SMOC1: variants seen among roughly 807,000 people sequenced by gnomAD.
SMOC1 encodes SPARC-related modular calcium-binding protein 1.
A neutral mutation model predicts 56.3 loss-of-function variants in SMOC1; 22 were observed. The observed-to-expected ratio is 0.39, with a 90% CI of 0.28 to 0.56. The LOEUF is 0.56. SMOC1 is among the 20% of genes least tolerant of loss of function. The probability of loss-of-function intolerance (pLI) is 0.61; values close to 1 mark genes in which losing one functional copy is unlikely to be tolerated. For synonymous variants in SMOC1, 193 were observed against 215.0 expected (o/e 0.90, Z 0.89); for missense variants, 509 against 565.4 (o/e 0.90, Z 1.01).
intron 9 of SMOC1, 138 bp from the exon 10 acceptor site, chr14:70,013,248 G>A: frequency 1.3e-6 from 1 of 761,442 alleles, no homozygotes; most frequent in Non-Finnish European, 2.3e-6. Context: ...AGACTCATCT[G>A]ATCAGTAAAC....
At chr14:70,013,348 A>G (rs1226774472) in intron 9 of SMOC1, 38 bp from the exon 10 acceptor site, 1 of 1,556,776 alleles carries the variant, frequency 6.4e-7, no homozygotes. Flanking sequence ...CTTGATTATT[A>G]TCTGGCATCT....
Position 70,030,482 on chromosome 14 carries a change from C to T in SMOC1, c.*224C>T. 12 of 244,990 alleles carry T rather than the reference C, an allele frequency of 4.9e-5. No individual in the cohort carries two copies. Among genetic ancestry groups the T allele is most frequent in the Admixed American group, 2.3e-4 (3 of 12,986 alleles). The allele number at this position is 244,990 out of a possible 1,614,324, so 15.2% of individuals were successfully genotyped here. A position where few individuals can be genotyped will look rare whatever the true frequency, so the allele number is the denominator to read the frequency against. ...GTGGGAAAAGGAAAGGGAAGAAAGA[C>T]TTTATTCTCTCTCTTATTGTAAGTT... On this transcript the variant is annotated 3_prime_UTR_variant, in exon 12 of 12. Coordinates refer to ENST00000361956, the MANE Select transcript of SMOC1 (RefSeq NM_001034852.3).
chr14:69,965,432 A>G (rs1418562456), intron 3 of SMOC1, among the ~76,000 whole-genome samples: 1 of 151,972 alleles, frequency 6.6e-6, no homozygotes, highest in Non-Finnish European at 1.5e-5. Flanking sequence ...GATACCTGAG[A>G]GCCAGATCCA....
intron 4 of SMOC1, 80 bp downstream of exon 4, chr14:69,975,894 C>A: frequency 1.0e-6 from 1 of 989,398 alleles, no homozygotes; most frequent in Non-Finnish European, 1.6e-6. Context: ...TGTGGGAGAA[C>A]CTTTAGAAGG....
intron 1 of SMOC1, 100 bp downstream of exon 1, chr14:69,879,877 G>T: frequency 9.0e-7 from 1 of 1,114,518 alleles, no homozygotes. Context: ...AGATGTCAGA[G>T]ACCTGTTGTC....
intron 11 of SMOC1, among the ~76,000 whole-genome samples, chr14:70,026,686 AG>A (rs1885938293): frequency 6.6e-6 from 1 of 152,154 alleles, no homozygotes; most frequent in South Asian, 2.1e-4. Flanking sequence ...CCTCAAAGGT[AG>A]GACTATGGAA....
chr14:69,989,396 G>A (rs1347783630), intron 5 of SMOC1, among the ~76,000 whole-genome samples: 1 of 152,148 alleles, frequency 6.6e-6, no homozygotes, highest in African/African-American at 2.4e-5. Context: ...TTGTTATTGA[G>A]TTGTAAGGTT....
At chr14:69,985,288 G>A (rs559261840) in intron 5 of SMOC1, among the ~76,000 whole-genome samples, 3 of 152,190 alleles carry the variant, frequency 2.0e-5, no homozygotes, top group East Asian at 1.9e-4. Context: ...CTCATACATC[G>A]CTGGCAAGAA....
chr14:70,025,562 G>T lies in SMOC1; in HGVS notation c.1291+2115G>T, dbSNP rs1052985568. On this transcript the variant is annotated intron_variant, in intron 11 of 11. Coordinates refer to ENST00000361956, the MANE Select transcript of SMOC1 (RefSeq NM_001034852.3). ...TGGTTCAAACCCTGCCTCTGTCCCG[G>T]CCTCGCTCTTTCACTACATGCGGCT... 8.5e-5 allele frequency among the ~76,000 whole-genome samples: 13 copies of T among 152,126 alleles called. 1 individual carries two copies. The highest frequency in any genetic ancestry group is 4.4e-5 in the Non-Finnish European group (3 of 68,030).
At chr14:69,924,612 G>A (rs537918211) in intron 1 of SMOC1, among the ~76,000 whole-genome samples, 1 of 151,322 alleles carries the variant, frequency 6.6e-6, no homozygotes, top group South Asian at 2.1e-4. Flanking sequence ...ACATTCTTCT[G>A]CCTGTCTTGT....
At chr14:69,907,586 C>T (rs1884444475) in intron 1 of SMOC1, among the ~76,000 whole-genome samples, 1 of 152,188 alleles carries the variant, frequency 6.6e-6, no homozygotes, top group East Asian at 1.9e-4. Flanking sequence ...ACTATTTTAG[C>T]TCTAAGGGTA....
intron 5 of SMOC1, 103 bp downstream of exon 5, chr14:69,978,068 G>A: frequency 1.1e-6 from 1 of 922,868 alleles, no homozygotes; most frequent in Non-Finnish European, 1.8e-6. Context: ...AGCCTAAGGT[G>A]TCCCGCAGAA....
Position 69,895,919 on chromosome 14 carries a change from C to A in SMOC1, c.99+16142C>A, listed in dbSNP as rs147688828. On this transcript the variant is annotated intron_variant, in intron 1 of 11. Transcript: ENST00000361956. ...TTGTTCTGTCACCTAGGCTAGAGTG[C>A]AGGGGTGCAACTGAACTCTTGGGGC... Among the ~76,000 whole-genome samples, 333 of 144,744 alleles carry A rather than the reference C, an allele frequency of 2.3e-3. 1 individual carries two copies. Among genetic ancestry groups the A allele is most frequent in the African/African-American group, 8.1e-3 (316 of 39,050 alleles). The allele number at this position is 144,744 out of a possible 152,430, so 95.0% of individuals were successfully genotyped here. A position where few individuals can be genotyped will look rare whatever the true frequency, so the allele number is the denominator to read the frequency against.
At chr14:70,023,589 G>T (rs771077192) in intron 11 of SMOC1, 142 bp downstream of exon 11, 71 of 1,255,746 alleles carry the variant, frequency 5.7e-5, no homozygotes, top group Non-Finnish European at 8.0e-5. Context: ...CTTCATGCTA[G>T]ATGTTTGAGA....
chr14:69,934,769 G>T (rs1267316726), intron 1 of SMOC1, among the ~76,000 whole-genome samples: 1 of 152,124 alleles, frequency 6.6e-6, no homozygotes, highest in Non-Finnish European at 1.5e-5. Context: ...AGCTCCTTTG[G>T]ATCTTCACAC....
rs953880086 is a variant in SMOC1 at position 69,879,483 on chromosome 14, C to T, written c.-196C>T. On this transcript the variant is annotated 5_prime_UTR_variant, in exon 1 of 12. Coordinates refer to ENST00000361956, the MANE Select transcript of SMOC1 (RefSeq NM_001034852.3). ...TAGCGCCGCGCGCAGAGCACACGCT[C>T]GCGCTCCAGCTCCCCTCCTGCGCGG... 2 of 420,494 alleles carry T rather than the reference C, an allele frequency of 4.8e-6. No individual in the cohort carries two copies. Among genetic ancestry groups the T allele is most frequent in the African/African-American group, 2.1e-5 (1 of 47,708 alleles). The allele number at this position is 420,494 out of a possible 1,614,324, so 26.0% of individuals were successfully genotyped here.
At chr14:69,949,392 C>T (rs1360833152) in intron 1 of SMOC1, among the ~76,000 whole-genome samples, 1 of 152,152 alleles carries the variant, frequency 6.6e-6, no homozygotes. Flanking sequence ...ACGGAGGGCC[C>T]CAGGATTGTG....
At chr14:69,970,612 T>C (rs753717849) in intron 3 of SMOC1, among the ~76,000 whole-genome samples, 1 of 152,094 alleles carries the variant, frequency 6.6e-6, no homozygotes, top group East Asian at 1.9e-4. Context: ...ATCATGAAAG[T>C]GGAAGGTGGT....
At chr14:69,975,904 G>A in intron 4 of SMOC1, 90 bp downstream of exon 4, 1 of 886,932 alleles carries the variant, frequency 1.1e-6, no homozygotes, top group Admixed American at 1.9e-5. Context: ...CCTTTAGAAG[G>A]TTGATGGTGG....
Sources: gnomAD v4.1 joint callset for allele counts (sites outside exome capture counted in the v4.1 genomes callset) on GRCh38, gnomAD v4.1.1 for gene constraint, MANE v1.5 for transcripts, NCBI Gene and HGNC (gene_info 2026-07-23, HGNC 2026-07-21) for gene names.